Variants in SORCS2 observed in about 807,000 individuals in gnomAD.
SORCS2 encodes the protein sortilin related VPS10 domain containing receptor 2, also known as VPS10 domain-containing receptor SorCS2.
SORCS2 carries 100 observed loss-of-function variants against 141.6 expected under a neutral mutation model. The ratio of observed to expected loss-of-function variants is 0.71; its 90% CI spans 0.60 to 0.83. SORCS2 has a LOEUF of 0.83. SORCS2 is among the 40% of genes least tolerant of loss of function. SORCS2 has a pLI of 0.00. For missense variants in SORCS2, 1,646 were observed against 1,560.2 expected (o/e 1.05, Z -0.93); for synonymous variants, 789 against 676.9 (o/e 1.17, Z -2.57).
Position 7,637,544 on chromosome 4 carries a change from G to C in SORCS2, c.649-784G>C, listed in dbSNP as rs564107463. On this transcript the variant is annotated intron_variant, in intron 3 of 26. Transcript: ENST00000507866. The stretch of plus-strand genomic sequence containing the variant: ...ACCCTGAGTTTACGGTGGAGCCTCA[G>C]TGCCCAGAACAGTGCCCAGAACAGT... Among the ~76,000 whole-genome samples the C allele has an allele frequency of 3.0e-3, 444 of 146,288 alleles. 2 individuals are homozygous for C. The highest frequency in any genetic ancestry group is 3.9e-3 in the Non-Finnish European group (261 of 66,188).
intron 3 of SORCS2, among the ~76,000 whole-genome samples, chr4:7,557,260 C>T (rs930067546): frequency 4.6e-5 from 7 of 152,130 alleles, no homozygotes; most frequent in African/African-American, 1.7e-4. Context: ...AGCTTCATTA[C>T]CCAGTTGGGT....
chr4:7,488,961 A>G (rs1175661190), intron 2 of SORCS2, among the ~76,000 whole-genome samples: 1 of 152,216 alleles, frequency 6.6e-6, no homozygotes, highest in Non-Finnish European at 1.5e-5. Flanking sequence ...CACTAGCTAC[A>G]TTTACGTATT....
intron 2 of SORCS2, among the ~76,000 whole-genome samples, chr4:7,520,097 T>C (rs1733230115): frequency 6.6e-6 from 1 of 152,178 alleles, no homozygotes; most frequent in Non-Finnish European, 1.5e-5. Flanking sequence ...GGTGGCGCTG[T>C]TGGCTGACCA....
intron 23 of SORCS2, 30 bp downstream of exon 23, chr4:7,729,742 T>G (rs1560118843): frequency 6.2e-7 from 1 of 1,601,708 alleles, no homozygotes; most frequent in Admixed American, 1.7e-5. Flanking sequence ...CACTCCCAGG[T>G]CCTCCCTGCA....
intron 2 of SORCS2, among the ~76,000 whole-genome samples, chr4:7,468,690 T>C (rs1577614535): frequency 6.6e-6 from 1 of 152,240 alleles, no homozygotes; most frequent in Non-Finnish European, 1.5e-5. Flanking sequence ...CACTCTCTAG[T>C]CCCAGCTGCT....
chr4:7,406,501 C>G (rs1369721956), intron 2 of SORCS2, among the ~76,000 whole-genome samples: 1 of 151,440 alleles, frequency 6.6e-6, no homozygotes, highest in Admixed American at 6.6e-5. Flanking sequence ...CCATTTCTTC[C>G]AGGTTTTTCA....
chr4:7,546,998 A>C (rs188227307), intron 3 of SORCS2, among the ~76,000 whole-genome samples: 5 of 152,324 alleles, frequency 3.3e-5, no homozygotes, highest in African/African-American at 1.2e-4. Flanking sequence ...GGTTAGGACA[A>C]GTGTAGTTCC....
Position 7,603,957 on chromosome 4 carries a change from T to A in SORCS2, c.649-34371T>A, listed in dbSNP as rs1108104. On this transcript the variant is annotated intron_variant, in intron 3 of 26. Coordinates refer to ENST00000507866, the MANE Select transcript of SORCS2 (RefSeq NM_020777.3). Reference sequence around the variant, plus strand: ...TTAGTTTTAATAAATAAAAACTTACTAAGTTTTAGTAAAATTCATATGTGT... The same window carrying A: ...TTAGTTTTAATAAATAAAAACTTACAAAGTTTTAGTAAAATTCATATGTGT... 2.6e-3 allele frequency among the ~76,000 whole-genome samples: 389 copies of A among 152,194 alleles called. 3 individuals are homozygous for A. The highest frequency in any genetic ancestry group is 0.014 in the Middle Eastern group (4 of 294).
intron 3 of SORCS2, among the ~76,000 whole-genome samples, chr4:7,539,241 G>C (rs1675100813): frequency 6.6e-6 from 1 of 152,142 alleles, no homozygotes; most frequent in South Asian, 2.1e-4. Context: ...TGAGGGATGG[G>C]GCACAGATCC....
At chr4:7,424,212 G>A (rs879693383) in intron 2 of SORCS2, among the ~76,000 whole-genome samples, 3 of 152,214 alleles carry the variant, frequency 2.0e-5, no homozygotes, top group South Asian at 2.1e-4. Flanking sequence ...GTCATTAGCT[G>A]TGTGACTCTG....
chr4:7,243,174 C>T (rs1472216694), intron 1 of SORCS2, among the ~76,000 whole-genome samples: 1 of 152,208 alleles, frequency 6.6e-6, no homozygotes, highest in Non-Finnish European at 1.5e-5. Flanking sequence ...ACTTAGTTGT[C>T]ACGTGGGATG....
intron 2 of SORCS2, among the ~76,000 whole-genome samples, chr4:7,505,686 G>T (rs1194020799): frequency 3.3e-5 from 5 of 152,066 alleles, no homozygotes; most frequent in Non-Finnish European, 7.4e-5. Flanking sequence ...GCCTGGCTCT[G>T]CCAGCGGGAA....
chr4:7,244,426 C>T (rs149534339), intron 1 of SORCS2, among the ~76,000 whole-genome samples: 451 of 152,384 alleles, frequency 3.0e-3, no homozygotes, highest in Non-Finnish European at 5.0e-3. Context: ...CAGGAGTGGA[C>T]GGCGTTCCAT....
intron 3 of SORCS2, among the ~76,000 whole-genome samples, chr4:7,621,087 A>T (rs1161557448): frequency 6.6e-6 from 1 of 152,092 alleles, no homozygotes; most frequent in Non-Finnish European, 1.5e-5. Context: ...GGGGGCTCCC[A>T]GGGCCTCTTG....
chr4:7,693,807 G>A (rs1724413429), intron 11 of SORCS2, among the ~76,000 whole-genome samples: 1 of 152,210 alleles, frequency 6.6e-6, no homozygotes, highest in South Asian at 2.1e-4. Flanking sequence ...TTGGCGACTC[G>A]GCCAGTCAAG....
chr4:7,378,572 G>A (rs940716472), intron 1 of SORCS2, among the ~76,000 whole-genome samples: 7 of 152,246 alleles, frequency 4.6e-5, no homozygotes, highest in African/African-American at 1.7e-4. Flanking sequence ...ATGGCATGGG[G>A]GAATCCACCC....
intron 2 of SORCS2, among the ~76,000 whole-genome samples, chr4:7,492,875 C>T (rs879503822): frequency 3.3e-5 from 5 of 152,342 alleles, no homozygotes; most frequent in African/African-American, 4.8e-5. Context: ...AGGGCAGGCC[C>T]GGACTCCTCA....
intron 26 of SORCS2, among the ~76,000 whole-genome samples, chr4:7,738,607 C>T (rs575640313): frequency 6.6e-6 from 1 of 152,156 alleles, no homozygotes; most frequent in Non-Finnish European, 1.5e-5. Flanking sequence ...CAGGAAGCCA[C>T]GGAGGTCTTG....
At chr4:7,677,023 C>G (rs1240291355) in intron 9 of SORCS2, among the ~76,000 whole-genome samples, 2 of 150,776 alleles carry the variant, frequency 1.3e-5, no homozygotes, top group Admixed American at 6.6e-5. Context: ...GTTGGCCTCT[C>G]TCTCTCTCTG....
Sources: allele counts gnomAD v4.1 joint callset (sites outside exome capture counted in the v4.1 genomes callset), GRCh38; gene constraint gnomAD v4.1.1; transcripts MANE v1.5; gene names NCBI Gene and HGNC (gene_info 2026-07-23, HGNC 2026-07-21).